Variants in STK3 observed in about 807,000 individuals in gnomAD.
STK3 encodes serine/threonine-protein kinase 3.
Under a neutral mutation model 58.0 loss-of-function variants are expected in STK3, and 41 were observed. The observed-to-expected ratio is 0.71, with a 90% CI of 0.55 to 0.92. STK3 has a LOEUF of 0.92. STK3 is among the 40% of genes least tolerant of loss of function. The probability of loss-of-function intolerance (pLI) is 0.00; values close to 1 mark genes in which losing one functional copy is unlikely to be tolerated. For synonymous variants in STK3, 170 were observed against 191.0 expected, an observed-to-expected ratio of 0.89 and a Z score of 0.91; for missense variants, 479 against 602.7, an observed-to-expected ratio of 0.79 and a Z score of 2.15.
chr8:98,587,593 T>G (rs1039802223), intron 7 of STK3, among the ~76,000 whole-genome samples: 7 of 151,944 alleles, frequency 4.6e-5, no homozygotes, highest in African/African-American at 1.7e-4. Flanking sequence ...GGATGGAGAG[T>G]TCTGTAGATG....
intron 1 of STK3, among the ~76,000 whole-genome samples, chr8:98,789,332 G>A (rs1832663275): frequency 6.6e-6 from 1 of 151,818 alleles, no homozygotes; most frequent in South Asian, 2.1e-4. Flanking sequence ...ACAATCTAAG[G>A]CCACACCTCA....
At chr8:98,759,904 C>T (rs1167007496) in intron 3 of STK3, among the ~76,000 whole-genome samples, 1 of 152,058 alleles carries the variant, frequency 6.6e-6, no homozygotes, top group Non-Finnish European at 1.5e-5. Flanking sequence ...TTAAATGGCA[C>T]AGTATTTGCA....
chr8:98,355,213 G>A, the STK3 span, among the ~76,000 whole-genome samples: 1 of 152,126 alleles, frequency 6.6e-6, no homozygotes, highest in African/African-American at 2.4e-5. Context: ...TGTTAATTTT[G>A]TTCTGGTATT....
At chr8:98,919,411 G>A (rs1004126333) in intron 1 of STK3, among the ~76,000 whole-genome samples, 10 of 152,058 alleles carry the variant, frequency 6.6e-5, no homozygotes, top group African/African-American at 1.9e-4. Context: ...CAGAAAAACC[G>A]CTGTCAGTTC....
chr8:98,767,544 C>T (rs1433976086), intron 2 of STK3, among the ~76,000 whole-genome samples, 173 bp from the exon 3 acceptor site: 3 of 152,156 alleles, frequency 2.0e-5, no homozygotes, highest in Non-Finnish European at 2.9e-5. Context: ...TATATCTTAG[C>T]TTTATTGCTT....
chr8:98,636,994 G>A (rs1345650457), intron 6 of STK3, among the ~76,000 whole-genome samples: 1 of 151,166 alleles, frequency 6.6e-6, no homozygotes, highest in Non-Finnish European at 1.5e-5. Context: ...TTCCATTTTG[G>A]ACAATGCTAA....
At chr8:98,675,100 C>A (rs1343178683) in intron 6 of STK3, among the ~76,000 whole-genome samples, 2 of 152,050 alleles carry the variant, frequency 1.3e-5, no homozygotes, top group Non-Finnish European at 2.9e-5. Context: ...AATGTTTTAA[C>A]AAGTAAAGAA....
In STK3 at chr8:98,706,714, T is replaced by A. The variant is rs1379207428; in HGVS notation, c.517-80A>T. 4.4e-6 allele frequency: 6 copies of A among 1,378,168 alleles called. No individual in the cohort carries two copies. In the Admixed American group the frequency reaches 1.0e-4, roughly 24 times the overall value. 85.4% of individuals were successfully genotyped at this position (1,378,168 alleles called of 1,614,324 possible). A position where few individuals can be genotyped will look rare whatever the true frequency, so the allele number is the denominator to read the frequency against. On this transcript the variant is annotated intron_variant, in intron 5 of 10. Coordinates refer to ENST00000419617, the MANE Select transcript of STK3 (RefSeq NM_006281.4). ...GTATGCCAAACATACTTTTAAAAAA[T>A]GTTAAAACCTCCAATGCCACAGATT...
At chr8:98,808,618 C>T (rs1834027025) in intron 1 of STK3, among the ~76,000 whole-genome samples, 1 of 152,166 alleles carries the variant, frequency 6.6e-6, no homozygotes, top group Non-Finnish European at 1.5e-5. Context: ...TCCATACATT[C>T]AGCTCTTGTG....
At chr8:98,705,779 C>T (rs986624464) in intron 6 of STK3, among the ~76,000 whole-genome samples, 6 of 152,102 alleles carry the variant, frequency 3.9e-5, no homozygotes, top group South Asian at 2.1e-4. Flanking sequence ...TGATGATGAA[C>T]TTATCTATAT....
Position 98,804,418 on chromosome 8 carries a change from A to G in STK3, c.26+21097T>C, listed in dbSNP as rs140895419. Among the ~76,000 whole-genome samples the G allele has an allele frequency of 9.3e-4, 141 of 152,356 alleles. 1 individual carries two copies. The highest frequency in any genetic ancestry group is 3.3e-3 in the African/African-American group (136 of 41,586). ...AAATGACTTCCTCAGTCACTTGAGT[A>G]ATAAATGGCAAAACAGAATCAAACC... On this transcript the variant is annotated intron_variant, in intron 1 of 10. Coordinates refer to ENST00000419617, the MANE Select transcript of STK3 (RefSeq NM_006281.4).
chr8:98,707,415 T>TG (rs925590175), intron 4 of STK3, 104 bp from the exon 5 acceptor site: 69 of 829,232 alleles, frequency 8.3e-5, no homozygotes, highest in Middle Eastern at 3.9e-4. Context: ...TGTGTGTGTG[T>TG]TTTTTTTTAA....
chr8:98,733,555 T>C (rs1018452703), intron 4 of STK3, among the ~76,000 whole-genome samples: 6 of 152,124 alleles, frequency 3.9e-5, no homozygotes, highest in East Asian at 1.9e-4. Flanking sequence ...CGTAGAAAAA[T>C]TGTCTTCCAT....
At chr8:98,356,023 A>G in the STK3 span, among the ~76,000 whole-genome samples, 1 of 152,248 alleles carries the variant, frequency 6.6e-6, no homozygotes, top group Non-Finnish European at 1.5e-5. Flanking sequence ...TGTGATGGAC[A>G]GAATATAAGC....
intron 6 of STK3, among the ~76,000 whole-genome samples, chr8:98,603,735 A>G (rs1816543951): frequency 6.6e-6 from 1 of 151,992 alleles, no homozygotes; most frequent in African/African-American, 2.4e-5. Context: ...GTGGTCCTCA[A>G]TGCTGGAAGC....
chr8:98,925,421 CA>C (rs1839751183), intron 1 of STK3, among the ~76,000 whole-genome samples: 1 of 152,220 alleles, frequency 6.6e-6, no homozygotes, highest in Non-Finnish European at 1.5e-5. Context: ...CTCCCAAGAT[CA>C]TGGAGCAGAT....
At chr8:98,895,427 T>C (rs907820147) in intron 1 of STK3, among the ~76,000 whole-genome samples, 3 of 152,012 alleles carry the variant, frequency 2.0e-5, no homozygotes, top group Non-Finnish European at 4.4e-5. Context: ...CCTCCTCCAG[T>C]ATGGAGAGGA....
At chr8:98,590,751 G>T (rs1169046170) in intron 7 of STK3, among the ~76,000 whole-genome samples, 1 of 152,160 alleles carries the variant, frequency 6.6e-6, no homozygotes, top group Non-Finnish European at 1.5e-5. Context: ...ATCTCATGTA[G>T]AAAGCATGGA....
At chr8:98,728,046 T>G (rs1279983799) in intron 4 of STK3, among the ~76,000 whole-genome samples, 1 of 152,180 alleles carries the variant, frequency 6.6e-6, no homozygotes, top group Non-Finnish European at 1.5e-5. Flanking sequence ...TATTCCAACT[T>G]CTTAACAACC....
Sources: allele counts gnomAD v4.1 joint callset (sites outside exome capture counted in the v4.1 genomes callset), GRCh38; gene constraint gnomAD v4.1.1; transcripts MANE v1.5; gene names NCBI Gene and HGNC (gene_info 2026-07-23, HGNC 2026-07-21).